The following CDH13 variants were observed in gnomAD, a reference collection of about 807,000 sequenced individuals.
CDH13 encodes the protein cadherin-13.
A neutral mutation model predicts 63.8 loss-of-function variants in CDH13; 24 were observed. The ratio of observed to expected loss-of-function variants is 0.38; its 90% CI spans 0.27 to 0.53. The LOEUF is 0.53. Among genes scored for constraint, CDH13 ranks in the 20% least tolerant of loss-of-function variants. The pLI is 0.85. For synonymous variants in CDH13, 503 were observed against 355.3 expected (o/e 1.42, Z -4.67); for missense variants, 1,049 against 903.1 (o/e 1.16, Z -2.07).
intron 11 of CDH13, among the ~76,000 whole-genome samples, chr16:83,777,698 C>A (rs1451038628): frequency 3.9e-5 from 6 of 152,238 alleles, no homozygotes; most frequent in African/African-American, 1.4e-4. Flanking sequence ...GGTCTCCTTG[C>A]TTCTTTGCTA....
chr16:82,701,206 A>G (rs1010242963), intron 1 of CDH13, among the ~76,000 whole-genome samples: 1 of 151,770 alleles, frequency 6.6e-6, no homozygotes, highest in African/African-American at 2.4e-5. Context: ...TGTTGATGCT[A>G]CCTCTGAAAT....
chr16:83,291,760 A>T (rs1281104501), intron 5 of CDH13, among the ~76,000 whole-genome samples: 2 of 152,222 alleles, frequency 1.3e-5, no homozygotes, highest in African/African-American at 4.8e-5. Flanking sequence ...ACCTGAATTT[A>T]TGCCAACTGG....
intron 1 of CDH13, among the ~76,000 whole-genome samples, chr16:82,803,543 A>T (rs182547382): frequency 1.3e-5 from 2 of 152,202 alleles, no homozygotes; most frequent in Admixed American, 1.3e-4. Context: ...AACGACTCCA[A>T]TGTTCCTGTA....
intron 3 of CDH13, among the ~76,000 whole-genome samples, chr16:83,032,973 A>G (rs1916508243): frequency 6.6e-6 from 1 of 152,184 alleles, no homozygotes; most frequent in Non-Finnish European, 1.5e-5. Context: ...ATGTGTACAT[A>G]TGTGTACATG....
At chr16:83,570,292 G>A (rs55913749) in intron 7 of CDH13, among the ~76,000 whole-genome samples, 50,349 of 151,856 alleles carry the variant, frequency 0.33, 8,945 homozygotes, top group East Asian at 0.44. Context: ...TAGCAAAAGA[G>A]CCATATGGGG....
chr16:83,466,695 C>T (rs1037349066), intron 6 of CDH13, among the ~76,000 whole-genome samples: 2 of 152,208 alleles, frequency 1.3e-5, no homozygotes, highest in East Asian at 3.9e-4. Flanking sequence ...CCTGGTCGAC[C>T]TCTCCTGGAT....
chr16:82,667,514 G>C (rs1048959719), intron 1 of CDH13, among the ~76,000 whole-genome samples: 1 of 152,166 alleles, frequency 6.6e-6, no homozygotes, highest in Non-Finnish European at 1.5e-5. Flanking sequence ...TGCACCGTAG[G>C]ATTGTGCATG....
chr16:82,794,977 T>C (rs8059696), intron 1 of CDH13, among the ~76,000 whole-genome samples: 100,860 of 152,028 alleles, frequency 0.66, 33,863 homozygotes, highest in Non-Finnish European at 0.7. Flanking sequence ...CTCCCAGTCC[T>C]GAGAGATTCT....
chr16:83,343,422 G>A (rs1188533302), intron 5 of CDH13, among the ~76,000 whole-genome samples: 3 of 152,126 alleles, frequency 2.0e-5, no homozygotes, highest in African/African-American at 7.2e-5. Context: ...ATTTTATTTT[G>A]AGAAATAACA....
At chr16:83,324,371 A>G (rs1442756990) in intron 5 of CDH13, among the ~76,000 whole-genome samples, 2 of 152,100 alleles carry the variant, frequency 1.3e-5, no homozygotes, top group Non-Finnish European at 2.9e-5. Flanking sequence ...TTCACCTCAA[A>G]AGAAACCCCA....
intron 1 of CDH13, among the ~76,000 whole-genome samples, chr16:82,672,161 G>T (rs1275570466): frequency 6.6e-6 from 1 of 152,122 alleles, no homozygotes; most frequent in Non-Finnish European, 1.5e-5. Context: ...TTTGAGCAAG[G>T]TATACCTCTT....
At chr16:82,715,801 C>A (rs1346572547) in intron 1 of CDH13, among the ~76,000 whole-genome samples, 4 of 152,156 alleles carry the variant, frequency 2.6e-5, no homozygotes, top group African/African-American at 7.2e-5. Flanking sequence ...AATTACAAGC[C>A]ACAGTCTCAC....
intron 10 of CDH13, among the ~76,000 whole-genome samples, chr16:83,743,748 C>CCTTTTTTT (rs1912280138): frequency 1.3e-5 from 1 of 76,258 alleles, no homozygotes; most frequent in African/African-American, 5.5e-5. Flanking sequence ...TTTCTTTTTT[C>CCTTTTTTT]TTTTTTTTTT....
intron 4 of CDH13, among the ~76,000 whole-genome samples, chr16:83,184,251 T>C (rs2038443243): frequency 6.6e-6 from 1 of 152,194 alleles, no homozygotes; most frequent in African/African-American, 2.4e-5. Flanking sequence ...CCAAGATTTC[T>C]CTACGGTGCT....
At chr16:83,772,698 T>A (rs1475899799) in intron 11 of CDH13, 2 of 152,210 alleles carry the variant, frequency 1.3e-5, no homozygotes, top group Non-Finnish European at 2.9e-5. Flanking sequence ...ACACTCCTGG[T>A]GTGACATGAC....
chr16:82,906,356 G>A (rs544606152), intron 2 of CDH13, among the ~76,000 whole-genome samples: 1 of 152,258 alleles, frequency 6.6e-6, no homozygotes, highest in African/African-American at 2.4e-5. Flanking sequence ...TTTCTCTGGT[G>A]TGAGTTTTCA....
chr16:82,945,445 C>T (rs1904601915), intron 2 of CDH13, among the ~76,000 whole-genome samples: 1 of 152,176 alleles, frequency 6.6e-6, no homozygotes, highest in Admixed American at 6.6e-5. Flanking sequence ...CTGACTGAAA[C>T]CGAGAGCTTT....
chr16:83,028,675 A>G (rs915099904), intron 2 of CDH13, among the ~76,000 whole-genome samples: 2 of 152,230 alleles, frequency 1.3e-5, no homozygotes, highest in African/African-American at 2.4e-5. Context: ...GTAAAATATT[A>G]ACAACAATAA....
rs8052507 is a variant in CDH13 at position 83,557,072 on chromosome 16, C to A, written c.961-45382C>A. Among the ~76,000 whole-genome samples, 5 of 152,154 alleles carry A rather than the reference C, an allele frequency of 3.3e-5. 1 individual carries two copies. The South Asian group carries it at 6.2e-4, about 19-fold the overall frequency. Reference sequence around the variant, plus strand: ...TGTTTACAGGCACTCCCCATTGCTCCCATTACTTCCTGAGCTCCTCCTCCT... The same window carrying A: ...TGTTTACAGGCACTCCCCATTGCTCACATTACTTCCTGAGCTCCTCCTCCT... On this transcript the variant is annotated intron_variant, in intron 7 of 13. Transcript: ENST00000567109.
Sources: gnomAD v4.1 joint callset for allele counts (sites outside exome capture counted in the v4.1 genomes callset) on GRCh38, gnomAD v4.1.1 for gene constraint, MANE v1.5 for transcripts, NCBI Gene and HGNC (gene_info 2026-07-23, HGNC 2026-07-21) for gene names.